Variants in KCNH5 observed in about 807,000 individuals in gnomAD.
The protein encoded by KCNH5 is voltage-gated delayed rectifier potassium channel KCNH5.
A neutral mutation model predicts 96.1 loss-of-function variants in KCNH5; 46 were observed. The ratio of observed to expected loss-of-function variants is 0.48; its 90% CI spans 0.38 to 0.61. The LOEUF (loss-of-function observed/expected upper bound fraction) is 0.61. Ranked by LOEUF, KCNH5 falls within the 20% of genes least tolerant of loss-of-function variation. The pLI, the probability that KCNH5 is intolerant of heterozygous loss-of-function variation, is 0.00. For synonymous variants in KCNH5, 439 were observed against 449.8 expected (o/e 0.98, Z 0.30); for missense variants, 907 against 1,225.8 (o/e 0.74, Z 3.88).
At chr14:62,999,590 A>T (rs1370550507) in intron 4 of KCNH5, among the ~76,000 whole-genome samples, 1 of 151,646 alleles carries the variant, frequency 6.6e-6, no homozygotes. Flanking sequence ...GGAAATCATC[A>T]TTCTCAGTAA....
intron 7 of KCNH5, among the ~76,000 whole-genome samples, chr14:62,912,547 T>C (rs893529479): frequency 6.6e-6 from 1 of 151,804 alleles, no homozygotes; most frequent in Non-Finnish European, 1.5e-5. Context: ...GCTGGGATTA[T>C]AGGTGCCCGC....
intron 4 of KCNH5, among the ~76,000 whole-genome samples, chr14:62,997,824 T>C (rs1241727165): frequency 7.3e-6 from 1 of 137,664 alleles, no homozygotes. Flanking sequence ...GGCATGAACC[T>C]GGGAGACGGA....
intron 7 of KCNH5, among the ~76,000 whole-genome samples, chr14:62,933,130 C>G (rs1238097031): frequency 6.6e-6 from 1 of 151,898 alleles, no homozygotes; most frequent in African/African-American, 2.4e-5. Flanking sequence ...TCAGAAGGCT[C>G]AAAGAAAGAG....
At chr14:63,041,121 G>A (rs1416879766) in intron 1 of KCNH5, among the ~76,000 whole-genome samples, 1 of 152,084 alleles carries the variant, frequency 6.6e-6, no homozygotes, top group East Asian at 1.9e-4. Context: ...AACTAATCAT[G>A]TCTGCCTATT....
At chr14:62,982,042 A>G (rs1890618189) in intron 5 of KCNH5, among the ~76,000 whole-genome samples, 1 of 152,184 alleles carries the variant, frequency 6.6e-6, no homozygotes, top group Non-Finnish European at 1.5e-5. Flanking sequence ...AAGGTAACCA[A>G]CACAGGACAT....
chr14:62,747,465 C>T (rs1448814053), intron 10 of KCNH5, among the ~76,000 whole-genome samples: 5 of 152,152 alleles, frequency 3.3e-5, no homozygotes, highest in Non-Finnish European at 7.3e-5. Flanking sequence ...TTAACTGGAA[C>T]ATATTTGTAT....
intron 7 of KCNH5, among the ~76,000 whole-genome samples, chr14:62,894,538 T>C (rs1888773908): frequency 6.6e-6 from 1 of 152,230 alleles, no homozygotes; most frequent in Non-Finnish European, 1.5e-5. Context: ...AGGTTTCTTA[T>C]TCCAGAAAAT....
At chr14:62,800,778 T>C (rs992263955) in intron 9 of KCNH5, among the ~76,000 whole-genome samples, 3 of 152,184 alleles carry the variant, frequency 2.0e-5, no homozygotes. Context: ...GTAAATATGC[T>C]TCATTTTACC....
chr14:62,750,928 C>T (rs1885485238), intron 10 of KCNH5, among the ~76,000 whole-genome samples: 1 of 152,150 alleles, frequency 6.6e-6, no homozygotes, highest in Non-Finnish European at 1.5e-5. Context: ...ATCTGTAAAC[C>T]ATTCTACCTC....
chr14:62,928,149 C>T (rs1188855529), intron 7 of KCNH5, among the ~76,000 whole-genome samples: 2 of 151,970 alleles, frequency 1.3e-5, no homozygotes, highest in South Asian at 4.1e-4. Context: ...ACTAAGCATT[C>T]CTGGACAAGA....
At chr14:63,042,509 C>G (rs141519870) in intron 1 of KCNH5, among the ~76,000 whole-genome samples, 122 of 152,134 alleles carry the variant, frequency 8.0e-4, no homozygotes, top group African/African-American at 2.8e-3. Context: ...CAAGGCCAGC[C>G]TCTGTTTCTT....
intron 8 of KCNH5, among the ~76,000 whole-genome samples, chr14:62,848,761 G>A (rs1402326661): frequency 6.7e-6 from 1 of 150,168 alleles, no homozygotes; most frequent in Admixed American, 6.8e-5. Flanking sequence ...ACCTCACAAG[G>A]TTAAAAGAAC....
chr14:62,978,087 C>T (rs1415116311), intron 6 of KCNH5, among the ~76,000 whole-genome samples: 1 of 152,196 alleles, frequency 6.6e-6, no homozygotes, highest in Non-Finnish European at 1.5e-5. Flanking sequence ...GAAAAGGCAG[C>T]AGCCTTCAGT....
chr14:62,714,086 C>T (rs1232369093), intron 10 of KCNH5, among the ~76,000 whole-genome samples: 2 of 151,496 alleles, frequency 1.3e-5, no homozygotes, highest in African/African-American at 4.9e-5. Context: ...AGTTTGAGAC[C>T]ACCCTGGGTA....
chr14:62,981,356 G>T (rs1009654727), intron 5 of KCNH5, 92 bp from the exon 6 acceptor site: 1 of 1,261,922 alleles, frequency 7.9e-7, no homozygotes, highest in Non-Finnish European at 1.1e-6. Flanking sequence ...ACCACAGCCA[G>T]TCATGCTCCA....
Position 62,708,337 on chromosome 14 carries a change from A to T in KCNH5, c.2138T>A (p.Phe713Tyr). 6.2e-7 allele frequency: 1 copy of T among 1,614,026 alleles called. No homozygotes were observed. The highest frequency in any genetic ancestry group is 8.5e-7 in the Non-Finnish European group (1 of 1,180,032). ...ATTCCGCAGCTCCTTCTGCTGCTTG[A>T]ACTTCTGGAAGAGCTTTCTGACTGG... is the stretch of plus-strand genomic sequence containing the variant. ...DHPVRKLFQKFKQQKELRNQG... is the reference protein window; with the variant it reads ...DHPVRKLFQKYKQQKELRNQG... Residue 713 changes from phenylalanine to tyrosine, a missense_variant, in exon 11 of 11, where the codon TTC becomes TAC. Physicochemically the swap from Phe to Tyr is conservative, Grantham distance 22. This residue lies in a region of KCNH5 where 362 missense variants were observed against 394.4 expected (regional missense o/e 0.92). Coordinates refer to ENST00000322893, the MANE Select transcript of KCNH5 (RefSeq NM_139318.5).
intron 7 of KCNH5, among the ~76,000 whole-genome samples, chr14:62,913,938 T>C (rs1050217852): frequency 6.6e-6 from 1 of 152,110 alleles, no homozygotes; most frequent in African/African-American, 2.4e-5. Context: ...ATCATTTATA[T>C]AAAAATCAAA....
At chr14:63,009,240 AG>A (rs764667663) in intron 2 of KCNH5, among the ~76,000 whole-genome samples, 19 of 152,184 alleles carry the variant, frequency 1.2e-4, no homozygotes, top group Non-Finnish European at 2.1e-4. Context: ...TTAAAAAAGA[AG>A]CTCTTTGAGG....
At chr14:62,853,996 G>T (rs373595154) in intron 7 of KCNH5, among the ~76,000 whole-genome samples, 13 of 136,500 alleles carry the variant, frequency 9.5e-5, no homozygotes, top group African/African-American at 3.4e-4. Context: ...GACAGAGCGA[G>T]ACTCTGTCAA....
Sources: gnomAD v4.1 joint callset for allele counts (sites outside exome capture counted in the v4.1 genomes callset) on GRCh38, gnomAD v4.1.1 for gene constraint, gnomAD v4.1.1 regional missense constraint, MANE v1.5 for transcripts, NCBI Gene and HGNC (gene_info 2026-07-23, HGNC 2026-07-21) for gene names.